NALCN: variants seen among roughly 807,000 people sequenced by gnomAD.
NALCN encodes sodium leak channel NALCN.
A neutral mutation model predicts 225.3 loss-of-function variants in NALCN; 111 were observed. The observed-to-expected ratio is 0.49, with a 90% CI of 0.42 to 0.58. NALCN has a LOEUF of 0.58. Ranked by LOEUF, NALCN falls within the 20% of genes least tolerant of loss-of-function variation. The probability of loss-of-function intolerance (pLI) is 0.00; values close to 1 mark genes in which losing one functional copy is unlikely to be tolerated. For missense variants in NALCN, 1,378 were observed against 2,202.4 expected, an observed-to-expected ratio of 0.63 and a Z score of 7.49; for synonymous variants, 764 against 769.0, an observed-to-expected ratio of 0.99 and a Z score of 0.11.
intron 10 of NALCN, among the ~76,000 whole-genome samples, chr13:101,271,829 G>C (rs1280611319): frequency 2.0e-5 from 3 of 151,768 alleles, no homozygotes; most frequent in African/African-American, 7.3e-5. Flanking sequence ...GTCACCGTTT[G>C]TGAGTGTGCA....
intron 10 of NALCN, among the ~76,000 whole-genome samples, chr13:101,262,785 G>A (rs1376375712): frequency 6.6e-6 from 1 of 152,176 alleles, no homozygotes; most frequent in Non-Finnish European, 1.5e-5. Context: ...ACTGCCTGGA[G>A]CCGTAACTCC....
chr13:101,157,718 C>T (rs1373545300), intron 15 of NALCN, among the ~76,000 whole-genome samples: 4 of 151,134 alleles, frequency 2.6e-5, no homozygotes, highest in Non-Finnish European at 5.9e-5. Flanking sequence ...GACAGTATGA[C>T]ATATGGTTTT....
chr13:101,324,016 C>T (rs370287433), intron 7 of NALCN, among the ~76,000 whole-genome samples: 5 of 152,066 alleles, frequency 3.3e-5, no homozygotes, highest in Non-Finnish European at 5.9e-5. Context: ...TGGGAAGCAA[C>T]GTTTAACTTA....
chr13:101,277,073 G>C (rs865824459), intron 10 of NALCN, among the ~76,000 whole-genome samples: 2 of 151,990 alleles, frequency 1.3e-5, no homozygotes, highest in South Asian at 2.1e-4. Context: ...CATAGAGAGA[G>C]AGGGAGAAAG....
At chr13:101,069,558 G>A (rs1423778459) in intron 37 of NALCN, among the ~76,000 whole-genome samples, 6 of 152,112 alleles carry the variant, frequency 3.9e-5, no homozygotes, top group Admixed American at 1.3e-4. Context: ...TGGCTGTGGC[G>A]ATTTCTTAAA....
At chr13:101,300,040 C>T (rs1863110087) in intron 7 of NALCN, among the ~76,000 whole-genome samples, 1 of 151,096 alleles carries the variant, frequency 6.6e-6, no homozygotes, top group African/African-American at 2.4e-5. Context: ...AAAGCAGCAG[C>T]GAGGGGTGTG....
At chr13:101,411,054 G>C (rs73567924) in intron 1 of NALCN, among the ~76,000 whole-genome samples, 6,942 of 151,972 alleles carry the variant, frequency 0.046, 286 homozygotes, top group East Asian at 0.11. Context: ...ATTCCAATTT[G>C]TTGGCATTCT....
chr13:101,103,406 G>A (rs2034932190), intron 25 of NALCN, 67 bp from the exon 26 acceptor site: 3 of 1,511,850 alleles, frequency 2.0e-6, no homozygotes, highest in Middle Eastern at 3.6e-4. Context: ...TTTTCTGACA[G>A]CCGACTGGCC....
intron 13 of NALCN, among the ~76,000 whole-genome samples, chr13:101,194,695 G>T (rs2140014257): frequency 6.6e-6 from 1 of 152,246 alleles, no homozygotes; most frequent in South Asian, 2.1e-4. Context: ...AGATGAACAG[G>T]ATCAATTCTC....
intron 6 of NALCN, among the ~76,000 whole-genome samples, chr13:101,375,004 A>G (rs908725001): frequency 2.6e-5 from 4 of 152,224 alleles, no homozygotes; most frequent in Admixed American, 1.3e-4. Context: ...CTCAGAATTA[A>G]TTTAGTTACT....
chr13:101,214,152 G>A (rs1238639900), intron 13 of NALCN, among the ~76,000 whole-genome samples: 1 of 152,100 alleles, frequency 6.6e-6, no homozygotes, highest in African/African-American at 2.4e-5. Flanking sequence ...GTAGGGACAT[G>A]GATGAAGGTG....
At chr13:101,261,611 T>C (rs1374849284) in intron 10 of NALCN, among the ~76,000 whole-genome samples, 15 of 152,210 alleles carry the variant, frequency 9.9e-5, no homozygotes, top group Admixed American at 9.8e-4. Flanking sequence ...GTAGCTACCG[T>C]AAATGGGATT....
chr13:101,220,580 C>T (rs973453287), intron 13 of NALCN, among the ~76,000 whole-genome samples: 3 of 152,152 alleles, frequency 2.0e-5, no homozygotes, highest in Admixed American at 6.6e-5. Context: ...TCACTTCACA[C>T]GTTCAGGCTG....
chr13:101,345,297 T>G lies in NALCN; in HGVS notation c.768A>C (p.Gln256His), dbSNP rs1352373631. 6.2e-7 allele frequency: 1 copy of G among 1,613,734 alleles called. No homozygotes were observed. Among genetic ancestry groups the G allele is most frequent in the Non-Finnish European group, 8.5e-7 (1 of 1,179,716 alleles). ...CATTAAAGCCACTGTAGCCCAGCTCTTGCCTGCTAAGTCCCAGATCTTCAA... is the reference window on the plus strand; with the variant it reads ...CATTAAAGCCACTGTAGCCCAGCTCGTGCCTGCTAAGTCCCAGATCTTCAA... ...MDLEDLGLSRQELGYSGFNEI... is the reference protein window; with the variant it reads ...MDLEDLGLSRHELGYSGFNEI... The change falls in exon 7 of 44, where the codon CAA becomes CAC. Residue 256 changes from glutamine (Q) to histidine (H), a missense_variant. By Grantham distance (24) the Gln-to-His change is conservative (BLOSUM62 0). Around this residue, in one of 19 missense-constraint regions of NALCN, gnomAD observed 67 missense variants for 82.1 expected, o/e 0.82. Transcript: ENST00000251127.
At chr13:101,398,126 G>A (rs561265616) in intron 2 of NALCN, among the ~76,000 whole-genome samples, 3 of 152,284 alleles carry the variant, frequency 2.0e-5, no homozygotes, top group East Asian at 1.9e-4. Context: ...TCACACTAAC[G>A]TATTTTAATT....
chr13:101,127,968 T>C (rs1449468287), intron 17 of NALCN, among the ~76,000 whole-genome samples: 1 of 152,174 alleles, frequency 6.6e-6, no homozygotes, highest in Non-Finnish European at 1.5e-5. Flanking sequence ...TAGAAGATAC[T>C]GACAATCACC....
intron 10 of NALCN, among the ~76,000 whole-genome samples, chr13:101,259,751 TACACACACAC>T (rs3061764): frequency 2.3e-5 from 3 of 131,928 alleles, no homozygotes; most frequent in African/African-American, 5.3e-5. Flanking sequence ...TATATATATA[TACACACACAC>T]ATAAATATAT....
intron 1 of NALCN, among the ~76,000 whole-genome samples, chr13:101,401,286 A>C (rs1262408998): frequency 6.6e-6 from 1 of 152,100 alleles, no homozygotes. Flanking sequence ...AGAGTATTTA[A>C]AGTGTTTTTT....
At chr13:101,200,964 T>C (rs1594422814) in intron 13 of NALCN, among the ~76,000 whole-genome samples, 1 of 152,246 alleles carries the variant, frequency 6.6e-6, no homozygotes, top group East Asian at 1.9e-4. Flanking sequence ...AAAAGTAGAA[T>C]GGTTAAACAT....
Sources: gnomAD v4.1 joint callset for allele counts (sites outside exome capture counted in the v4.1 genomes callset) on GRCh38, gnomAD v4.1.1 for gene constraint, gnomAD v4.1.1 regional missense constraint, MANE v1.5 for transcripts, NCBI Gene and HGNC (gene_info 2026-07-23, HGNC 2026-07-21) for gene names.